Variants in ARG1 observed in about 807,000 individuals in gnomAD.
The protein encoded by ARG1 is arginase 1, also known as arginase-1.
ARG1 carries 20 observed loss-of-function variants against 33.0 expected under a neutral mutation model. That is an observed-to-expected ratio of 0.61 (90% CI 0.43 to 0.88). The LOEUF is 0.88. Ranked by LOEUF, ARG1 falls within the 40% of genes least tolerant of loss-of-function variation. The probability of loss-of-function intolerance (pLI) is 0.00; values close to 1 mark genes in which losing one functional copy is unlikely to be tolerated. For synonymous variants in ARG1, 146 were observed against 140.6 expected (o/e 1.04, Z -0.27); for missense variants, 374 against 384.7 (o/e 0.97, Z 0.23).
rs1260906835 is a variant in ARG1 at position 131,579,118 on chromosome 6, T to C, written c.138T>C (p.Asp46=). 2.5e-6 allele frequency: 4 copies of C among 1,614,052 alleles called. No individual in the cohort carries two copies. The highest frequency in any genetic ancestry group is 1.7e-5 in the Admixed American group (1 of 59,996). The change falls in exon 3 of 8, where the codon GAT becomes GAC. Residue 46 remains aspartate, a synonymous_variant. Transcript: ENST00000368087. The part of the protein sequence containing the change: ...LLEKLKEQEC[D]VKDYGDLPFA... ...AAAACTTTTTAATTTTAGAGTGTGA[T>C]GTGAAGGATTATGGGGACCTGCCCT...
At chr6:131,582,991 C>A in intron 5 of ARG1, 69 bp from the exon 6 acceptor site, 1 of 1,074,124 alleles carries the variant, frequency 9.3e-7, no homozygotes. Flanking sequence ...ATTTATATTT[C>A]CCTTAAAAGG....
rs757762475 is a variant in ARG1, at chr6:131,581,342, A to G, written c.429A>G (p.Gln143=). Residue 143 remains glutamine (Q), a synonymous_variant, in exon 4 of 8, where the codon CAA becomes CAG. Transcript: ENST00000368087. ...LTTTSGNLHG[Q]PVSFLLKELK... ...CCACAAGTGGAAACTTGCATGGACA[A>G]CCTGTATCTTTCCTCCTGAAGGAAC... 1.2e-6 allele frequency: 2 copies of G among 1,613,856 alleles called. No individual in the cohort carries two copies. Among genetic ancestry groups the G allele is most frequent in the Non-Finnish European group, 1.7e-6 (2 of 1,179,840 alleles).
In ARG1 at chr6:131,581,299, T is replaced by C. The variant is rs771165013; in HGVS notation, c.386T>C (p.Ile129Thr). The C allele has an allele frequency of 3.7e-6, 6 of 1,613,912 alleles. No homozygotes were observed. Among genetic ancestry groups the C allele is most frequent in the Non-Finnish European group, 5.1e-6 (6 of 1,179,860 alleles). The change falls in exon 4 of 8, where the codon ATC (isoleucine) becomes ACC (threonine). Residue 129 changes from isoleucine to threonine, a missense_variant. Transcript: ENST00000368087. Reference protein sequence around the residue: ...GVIWVDAHTDINTPLTTTSGN... With the variant: ...GVIWVDAHTDTNTPLTTTSGN... ...ATCTGGGTGGATGCTCACACTGATA[T>C]CAACACTCCACTGACAACCACAAGT...
chr6:131,576,194 A>G (rs1449356684), intron 1 of ARG1, among the ~76,000 whole-genome samples: 1 of 152,214 alleles, frequency 6.6e-6, no homozygotes, highest in African/African-American at 2.4e-5. Context: ...GACATTTTAT[A>G]TCATCACTGA....
chr6:131,580,194 C>T (rs766521599), intron 3 of ARG1, among the ~76,000 whole-genome samples: 3 of 152,186 alleles, frequency 2.0e-5, no homozygotes, highest in Non-Finnish European at 4.4e-5. Context: ...CAGTCAATGA[C>T]TTCAGGTCTC....
intron 1 of ARG1, among the ~76,000 whole-genome samples, chr6:131,575,188 A>G (rs979284678): frequency 6.6e-6 from 1 of 152,204 alleles, no homozygotes; most frequent in Admixed American, 6.5e-5. Flanking sequence ...TAAGGGGTCT[A>G]TGAGCTTTGT....
chr6:131,583,684 A>T, intron 7 of ARG1, 58 bp from the exon 8 acceptor site: 1 of 1,576,698 alleles, frequency 6.3e-7, no homozygotes, highest in Non-Finnish European at 8.7e-7. Flanking sequence ...GTCTGTCTGT[A>T]CTACTTTCAA....
Position 131,579,130 on chromosome 6 carries a change from T to C in ARG1, c.150T>C (p.Tyr50=), listed in dbSNP as rs1415873396. 6.8e-6 allele frequency: 11 copies of C among 1,614,052 alleles called. No homozygotes were observed. The highest frequency in any genetic ancestry group is 7.6e-6 in the Non-Finnish European group (9 of 1,180,006). The change falls in exon 3 of 8, where the codon TAT becomes TAC. Residue 50 remains tyrosine, a synonymous_variant. Coordinates refer to ENST00000368087, the MANE Select transcript of ARG1 (RefSeq NM_000045.4). ...LKEQECDVKD[Y]GDLPFADIPN... ...TTTTAGAGTGTGATGTGAAGGATTA[T>C]GGGGACCTGCCCTTTGCTGACATCC...
At chr6:131,576,250 C>T (rs1416028391) in intron 1 of ARG1, among the ~76,000 whole-genome samples, 1 of 152,230 alleles carries the variant, frequency 6.6e-6, no homozygotes, top group Non-Finnish European at 1.5e-5. Context: ...TATCTCCTAT[C>T]AGCTTATGAG....
In ARG1 at chr6:131,577,974, G is replaced by T. The variant is rs1237603556; in HGVS notation, c.131-1137G>T. Among the ~76,000 whole-genome samples, 5 of 151,370 alleles carry T rather than the reference G, an allele frequency of 3.3e-5. No homozygotes were observed. In the South Asian group the frequency reaches 1.0e-3, roughly 32 times the overall value. Reference sequence around the variant, plus strand: ...AAAAACATGGTAGATCTCAAAAGCAGCATGATAAGACAAGAAAGACTACAT... The same window carrying T: ...AAAAACATGGTAGATCTCAAAAGCATCATGATAAGACAAGAAAGACTACAT... On this transcript the variant is annotated intron_variant, in intron 2 of 7. Coordinates refer to ENST00000368087, the MANE Select transcript of ARG1 (RefSeq NM_000045.4).
In ARG1 at chr6:131,581,116, A is replaced by T; in HGVS notation, c.306-103A>T. On this transcript the variant is annotated intron_variant, in intron 3 of 7. Transcript: ENST00000368087. ...TCAGAACCTATCAGAAATATCAGAC[A>T]CTGTGACTCAAAGGAAAACCAAGTG... 3 of 1,126,494 alleles carry T rather than the reference A, an allele frequency of 2.7e-6. No homozygotes were observed. The South Asian group carries it at 3.8e-5, about 14-fold the overall frequency. 69.8% of individuals were successfully genotyped at this position (1,126,494 alleles called of 1,614,324 possible).
intron 1 of ARG1, among the ~76,000 whole-genome samples, chr6:131,575,540 A>G (rs1292590184): frequency 6.6e-6 from 1 of 152,174 alleles, no homozygotes; most frequent in Admixed American, 6.5e-5. Flanking sequence ...TTTAACATCA[A>G]GGATTTGCCT....
chr6:131,583,856 T>C lies in ARG1; in HGVS notation c.917T>C (p.Leu306Pro). Residue 306 changes from leucine (L) to proline (P), a missense_variant, in exon 8 of 8, where the codon CTT becomes CCT. Transcript: ENST00000368087. ...AVAITLACFGLAREGNHKPID... is the reference protein window; with the variant it reads ...AVAITLACFGPAREGNHKPID... ...GCAATAACCTTGGCTTGTTTCGGAC[T>C]TGCTCGGGAGGGTAATCACAAGCCT... 1.9e-6 allele frequency: 3 copies of C among 1,614,172 alleles called. No individual in the cohort carries two copies. Among genetic ancestry groups the C allele is most frequent in the Non-Finnish European group, 2.5e-6 (3 of 1,180,012 alleles).
At chr6:131,582,814 G>GAT (rs1774002787) in intron 5 of ARG1, 99 bp downstream of exon 5, 1 of 858,324 alleles carries the variant, frequency 1.2e-6, no homozygotes, top group Non-Finnish European at 1.9e-6. Flanking sequence ...TAAACATCAA[G>GAT]ACACACACAC....
chr6:131,576,569 A>T, intron 1 of ARG1, 94 bp from the exon 2 acceptor site: 1 of 1,202,390 alleles, frequency 8.3e-7, no homozygotes. Flanking sequence ...AATGATAGTT[A>T]CAGTTCAACT....
intron 7 of ARG1, 119 bp downstream of exon 7, chr6:131,583,610 G>T (rs2114550354): frequency 6.6e-7 from 1 of 1,522,408 alleles, no homozygotes; most frequent in South Asian, 1.2e-5. Flanking sequence ...TCAGTCACAT[G>T]ATGCAATAAC....
chr6:131,579,829 C>CGT (rs367611464), intron 3 of ARG1, among the ~76,000 whole-genome samples: 98 of 149,526 alleles, frequency 6.6e-4, no homozygotes, highest in South Asian at 2.3e-3. Context: ...CTTTGTTTAA[C>CGT]GTGTGTGTGT....
At chr6:131,579,960 GT>G (rs1562357629) in intron 3 of ARG1, among the ~76,000 whole-genome samples, 1 of 152,086 alleles carries the variant, frequency 6.6e-6, no homozygotes, top group Admixed American at 6.5e-5. Flanking sequence ...ATAAGCATCA[GT>G]TTTTTAATTG....
chr6:131,573,858 T>C (rs1773487177), intron 1 of ARG1: 2 of 232,254 alleles, frequency 8.6e-6, no homozygotes. Context: ...TGTTAGGGTT[T>C]TAATGTTTCT....
Sources: allele counts gnomAD v4.1 joint callset (sites outside exome capture counted in the v4.1 genomes callset), GRCh38; gene constraint gnomAD v4.1.1; transcripts MANE v1.5; gene names NCBI Gene and HGNC (gene_info 2026-07-23, HGNC 2026-07-21).